Variants in NSUN6 observed in about 807,000 individuals in gnomAD.
NSUN6 encodes tRNA (cytosine(72)-C(5))-methyltransferase NSUN6.
A neutral mutation model predicts 58.0 loss-of-function variants in NSUN6; 64 were observed. The observed-to-expected ratio is 1.10, with a 90% CI of 0.90 to 1.36. NSUN6 has a LOEUF of 1.36. NSUN6 is among the 40% of genes most tolerant of loss of function. The pLI, the probability that NSUN6 is intolerant of heterozygous loss-of-function variation, is 0.00. For synonymous variants in NSUN6, 231 were observed against 193.9 expected, an observed-to-expected ratio of 1.19 and a Z score of -1.59; for missense variants, 701 against 550.1, an observed-to-expected ratio of 1.27 and a Z score of -2.74.
chr10:18,563,955 C>G (rs972141189), intron 8 of NSUN6, among the ~76,000 whole-genome samples: 3 of 150,446 alleles, frequency 2.0e-5, no homozygotes, highest in African/African-American at 4.9e-5. Flanking sequence ...ATTCCATTCT[C>G]GATTCCTTTC....
Position 18,651,333 on chromosome 10 carries a change from T to C in NSUN6, c.-130A>G. ...CTGAGGAAAATCTTGCCGATCACGC[T>C]GAGTTAATTTCGGAAATGCAGAGGT... On this transcript the variant is annotated 5_prime_UTR_variant, in exon 1 of 11. Transcript: ENST00000377304. 1 of 1,400,058 alleles carries C rather than the reference T, an allele frequency of 7.1e-7. No homozygotes were observed. Among genetic ancestry groups the C allele is most frequent in the Non-Finnish European group, 9.2e-7 (1 of 1,082,814 alleles). 86.7% of individuals were successfully genotyped at this position (1,400,058 alleles called of 1,614,324 possible). A position where few individuals can be genotyped will look rare whatever the true frequency, so the allele number is the denominator to read the frequency against.
intron 8 of NSUN6, among the ~76,000 whole-genome samples, chr10:18,554,813 T>C (rs144853027): frequency 2.2e-4 from 33 of 148,296 alleles, no homozygotes; most frequent in African/African-American, 7.5e-4. Flanking sequence ...TGGAATGGAA[T>C]AGAATGGTAT....
rs536563598 is a variant in NSUN6, at chr10:18,632,277, C to T, written c.311+10199G>A. Among the ~76,000 whole-genome samples the T allele has an allele frequency of 3.5e-4, 52 of 149,234 alleles. No homozygotes were observed. The East Asian group carries it at 5.2e-3, about 15-fold the overall frequency. ...TTTCAAGATGGATTAAAGACTTAAACGTTAGACCTAAAACCATAAAAACCC... is the reference window on the plus strand; with the variant it reads ...TTTCAAGATGGATTAAAGACTTAAATGTTAGACCTAAAACCATAAAAACCC... On this transcript the variant is annotated intron_variant, in intron 3 of 10. Coordinates refer to ENST00000377304, the MANE Select transcript of NSUN6 (RefSeq NM_182543.5).
intron 5 of NSUN6, among the ~76,000 whole-genome samples, chr10:18,612,806 T>C (rs1055205698): frequency 6.6e-6 from 1 of 152,210 alleles, no homozygotes; most frequent in Non-Finnish European, 1.5e-5. Context: ...CATATCTCCA[T>C]ATAATAATGC....
chr10:18,648,456 A>AAT, intron 2 of NSUN6, 34 bp downstream of exon 2: 2 of 1,446,436 alleles, frequency 1.4e-6, no homozygotes, highest in Non-Finnish European at 1.9e-6. Flanking sequence ...GCAAAAATGT[A>AAT]ATTATGTACA....
At chr10:18,566,016 C>CCA in intron 8 of NSUN6, among the ~76,000 whole-genome samples, 1 of 151,270 alleles carries the variant, frequency 6.6e-6, no homozygotes, top group East Asian at 1.9e-4. Context: ...ATTCCATTCT[C>CCA]TATTCCATTC....
chr10:18,632,638 A>C (rs1004043680), intron 3 of NSUN6, among the ~76,000 whole-genome samples: 5 of 152,228 alleles, frequency 3.3e-5, no homozygotes, highest in African/African-American at 1.2e-4. Flanking sequence ...TTATGCAGCC[A>C]AAAGACACAC....
intron 8 of NSUN6, among the ~76,000 whole-genome samples, chr10:18,578,770 T>C (rs2056778212): frequency 6.6e-6 from 1 of 152,176 alleles, no homozygotes; most frequent in Non-Finnish European, 1.5e-5. Context: ...GCCCACAAGC[T>C]ACCTGTTTTA....
chr10:18,597,977 G>T (rs2131223120), intron 6 of NSUN6, among the ~76,000 whole-genome samples: 1 of 152,294 alleles, frequency 6.6e-6, no homozygotes, highest in Non-Finnish European at 1.5e-5. Context: ...TCAGGCCTCT[G>T]AGCCCAAGCT....
intron 7 of NSUN6, among the ~76,000 whole-genome samples, chr10:18,592,815 C>A (rs2057428205): frequency 6.6e-6 from 1 of 152,164 alleles, no homozygotes; most frequent in African/African-American, 2.4e-5. Flanking sequence ...GACTTCATGA[C>A]TAAATCACCA....
chr10:18,560,412 G>C (rs1175436864), intron 8 of NSUN6, among the ~76,000 whole-genome samples: 1 of 150,388 alleles, frequency 6.6e-6, no homozygotes, highest in Admixed American at 6.7e-5. Context: ...GAATGAAGTG[G>C]GCAACGGAAC....
At position 18,647,562 on chromosome 10, in the gene NSUN6, A is replaced by C. The variant is rs1307990095; in HGVS notation, c.231+928T>G. On this transcript the variant is annotated intron_variant, in intron 2 of 10. Coordinates refer to ENST00000377304, the MANE Select transcript of NSUN6 (RefSeq NM_182543.5). The stretch of plus-strand genomic sequence containing the variant: ...TCATACTTTCTGCTTAGAAGTCATA[A>C]ATGCCATTTTATAATATTGTTTTCA... Among the ~76,000 whole-genome samples, 3 of 152,136 alleles carry C rather than the reference A, an allele frequency of 2.0e-5. No homozygotes were observed. In the East Asian group the frequency reaches 5.8e-4, roughly 29 times the overall value.
intron 3 of NSUN6, among the ~76,000 whole-genome samples, chr10:18,619,322 C>A (rs775434278): frequency 6.6e-6 from 1 of 152,192 alleles, no homozygotes; most frequent in Non-Finnish European, 1.5e-5. Context: ...AGGGAACTTA[C>A]GGCTGCGCAT....
At chr10:18,586,289 G>T (rs779862524) in intron 7 of NSUN6, among the ~76,000 whole-genome samples, 196 bp from the exon 8 acceptor site, 5 of 152,024 alleles carry the variant, frequency 3.3e-5, no homozygotes, top group Non-Finnish European at 7.4e-5. Context: ...TCTTGGTCTC[G>T]CTGACCTCAA....
intron 6 of NSUN6, among the ~76,000 whole-genome samples, chr10:18,603,160 G>C (rs1021512445): frequency 6.6e-6 from 1 of 152,192 alleles, no homozygotes; most frequent in African/African-American, 2.4e-5. Flanking sequence ...AGATGTGGTT[G>C]ACTCACGCCT....
At position 18,591,649 on chromosome 10, in the gene NSUN6, GC is replaced by G. The variant is rs1279537031; in HGVS notation, c.777+4558del. On this transcript the variant is annotated intron_variant, in intron 7 of 10. Coordinates refer to ENST00000377304, the MANE Select transcript of NSUN6 (RefSeq NM_182543.5). Reference sequence around the variant, plus strand: ...GATTATCTCAATAGATACAGAAAAGGCCTTCCATAAAATTCAACATCCCTTC... The same window carrying G: ...GATTATCTCAATAGATACAGAAAAGGCTTCCATAAAATTCAACATCCCTTC... 8.5e-5 allele frequency among the ~76,000 whole-genome samples: 13 copies of G among 152,122 alleles called. 1 individual carries two copies. In the South Asian group the frequency reaches 2.3e-3, roughly 27 times the overall value.
chr10:18,561,090 T>C (rs1440499477), intron 8 of NSUN6, among the ~76,000 whole-genome samples: 1 of 137,878 alleles, frequency 7.3e-6, no homozygotes, highest in East Asian at 2.4e-4. Flanking sequence ...GAATGGAGAA[T>C]GGAATGGAAT....
At chr10:18,620,768 AAC>A (rs1331599905) in intron 3 of NSUN6, among the ~76,000 whole-genome samples, 3 of 152,238 alleles carry the variant, frequency 2.0e-5, no homozygotes, top group Non-Finnish European at 4.4e-5. Context: ...TGACTATCAT[AAC>A]AGTCTGACTT....
intron 3 of NSUN6, among the ~76,000 whole-genome samples, chr10:18,626,286 T>C: frequency 6.7e-6 from 1 of 150,012 alleles, no homozygotes; most frequent in East Asian, 1.9e-4. Flanking sequence ...CTGCTTGTAA[T>C]CCCAACACTT....
Sources: gnomAD v4.1 joint callset for allele counts (sites outside exome capture counted in the v4.1 genomes callset) on GRCh38, gnomAD v4.1.1 for gene constraint, MANE v1.5 for transcripts, NCBI Gene and HGNC (gene_info 2026-07-23, HGNC 2026-07-21) for gene names.